Variants in BCL2L1 observed in about 807,000 individuals in gnomAD.
BCL2L1 encodes bcl-2-like protein 1.
A neutral mutation model predicts 18.7 loss-of-function variants in BCL2L1; 1 was observed. The observed-to-expected ratio is 0.05, with a 90% CI of 0.02 to 0.25. The LOEUF (loss-of-function observed/expected upper bound fraction) is 0.25. Ranked by LOEUF, BCL2L1 falls within the 10% of genes least tolerant of loss-of-function variation. The pLI, the probability that BCL2L1 is intolerant of heterozygous loss-of-function variation, is 1.00. For missense variants in BCL2L1, 207 were observed against 304.9 expected (o/e 0.68, Z 2.39); for synonymous variants, 103 against 122.7 (o/e 0.84, Z 1.06).
intron 2 of BCL2L1, among the ~76,000 whole-genome samples, chr20:31,688,679 T>G (rs1430993940): frequency 1.3e-5 from 2 of 152,106 alleles, no homozygotes; most frequent in Non-Finnish European, 2.9e-5. Flanking sequence ...CCCCCCCAGA[T>G]ATACTGTATT....
At chr20:31,719,653 T>G (rs138547990) in intron 2 of BCL2L1, among the ~76,000 whole-genome samples, 3 of 152,300 alleles carry the variant, frequency 2.0e-5, no homozygotes, top group Admixed American at 2.0e-4. Flanking sequence ...AAGATGGAAT[T>G]TCAACCCCAT....
intron 2 of BCL2L1, chr20:31,720,655 A>G (rs1164906700): frequency 4.1e-6 from 4 of 982,126 alleles, no homozygotes; most frequent in Non-Finnish European, 4.8e-6. Context: ...TTTACAATAC[A>G]CTGTAAGGCA....
chr20:31,723,438 C>T, upstream of BCL2L1: 1 of 985,410 alleles, frequency 1.0e-6, no homozygotes, highest in Non-Finnish European at 1.2e-6. Flanking sequence ...CTTTCTGGCG[C>T]CCCCGGGAGG....
chr20:31,720,192 C>T lies in BCL2L1; in HGVS notation c.564+1463G>A, dbSNP rs1241496826. On this transcript the variant is annotated intron_variant, in intron 2 of 2. Coordinates refer to ENST00000307677, the MANE Select transcript of BCL2L1 (RefSeq NM_138578.3). ...TGCCTTTTACAAGAGCTGGCACAGA[C>T]GAGTTGAAATTGCAAAGAAATGCAA... 5 of 978,194 alleles carry T rather than the reference C, an allele frequency of 5.1e-6. No individual in the cohort carries two copies. In the South Asian group the frequency reaches 1.4e-4, roughly 28 times the overall value. The allele number at this position is 978,194 out of a possible 1,614,324, so 60.6% of individuals were successfully genotyped here.
chr20:31,683,769 CAAAAAAAAAAAAAAAAAAAAAAA>C (rs372160646), intron 2 of BCL2L1, among the ~76,000 whole-genome samples: 15 of 80,712 alleles, frequency 1.9e-4, no homozygotes, highest in Non-Finnish European at 2.6e-4. Flanking sequence ...AACTCCATCT[CAAAAAAAAAAAAAAAAAAAAAAA>C]AAAAAAAAAA....
At chr20:31,696,184 G>C (rs1348723153) in intron 2 of BCL2L1, among the ~76,000 whole-genome samples, 2 of 152,210 alleles carry the variant, frequency 1.3e-5, no homozygotes, top group African/African-American at 4.8e-5. Context: ...CTTTAGCTCA[G>C]TCCCTGATAT....
intron 2 of BCL2L1, among the ~76,000 whole-genome samples, chr20:31,678,248 G>A (rs1394570436): frequency 2.0e-5 from 3 of 152,060 alleles, no homozygotes; most frequent in East Asian, 3.8e-4. Context: ...AAGCTATGGC[G>A]ACTCCCTTGT....
At chr20:31,721,522 C>T in intron 2 of BCL2L1, 133 bp downstream of exon 2, 1 of 1,068,440 alleles carries the variant, frequency 9.4e-7, no homozygotes, top group Admixed American at 2.9e-5. Flanking sequence ...GAAATGAGGC[C>T]AGTCAGGTTT....
At chr20:31,723,446 AGGGCTCC>A (rs1322372143), upstream of BCL2L1, 5 of 985,072 alleles carry the variant, frequency 5.1e-6, no homozygotes, top group African/African-American at 8.8e-5. Flanking sequence ...CGCCCCCGGG[AGGGCTCC>A]GGGGCCGGGG....
At chr20:31,710,652 C>G (rs2061440948) in intron 2 of BCL2L1, among the ~76,000 whole-genome samples, 1 of 152,226 alleles carries the variant, frequency 6.6e-6, no homozygotes, top group East Asian at 1.9e-4. Flanking sequence ...ATGGTGGAAG[C>G]TGGCCCATTT....
chr20:31,684,950 C>T (rs1357844893), intron 2 of BCL2L1, among the ~76,000 whole-genome samples: 2 of 152,190 alleles, frequency 1.3e-5, no homozygotes, highest in Admixed American at 1.3e-4. Flanking sequence ...TAGGGCAAGA[C>T]AAGTGATAAG....
intron 2 of BCL2L1, among the ~76,000 whole-genome samples, chr20:31,719,430 T>C (rs2061589014): frequency 6.6e-6 from 1 of 152,096 alleles, no homozygotes; most frequent in Admixed American, 6.6e-5. Flanking sequence ...AACAGGATAA[T>C]ACCTGAGAGG....
intron 2 of BCL2L1, among the ~76,000 whole-genome samples, chr20:31,669,825 A>G (rs1397899309): frequency 1.3e-5 from 2 of 152,164 alleles, no homozygotes; most frequent in African/African-American, 4.8e-5. Context: ...CTGTAAATAC[A>G]TGAGAATACA....
intron 2 of BCL2L1, chr20:31,720,067 G>A: frequency 1.0e-6 from 1 of 983,200 alleles, no homozygotes; most frequent in Non-Finnish European, 1.2e-6. Context: ...TTCATTTACA[G>A]AATGGCTTTC....
At chr20:31,681,969 T>G (rs1461390971) in intron 2 of BCL2L1, among the ~76,000 whole-genome samples, 1 of 152,238 alleles carries the variant, frequency 6.6e-6, no homozygotes, top group Non-Finnish European at 1.5e-5. Context: ...CTGTGGCTAT[T>G]CCACTTTCAG....
chr20:31,721,019 G>C, intron 2 of BCL2L1: 1 of 972,966 alleles, frequency 1.0e-6, no homozygotes, highest in Non-Finnish European at 1.2e-6. Flanking sequence ...TGGGGGAAAT[G>C]AACTTAGGGG....
intron 2 of BCL2L1, among the ~76,000 whole-genome samples, chr20:31,691,573 C>G (rs2061076562): frequency 6.9e-6 from 1 of 144,396 alleles, no homozygotes; most frequent in South Asian, 2.1e-4. Context: ...AATAAACAGG[C>G]TGGGTGTGGT....
At chr20:31,720,343 T>C (rs987601211) in intron 2 of BCL2L1, among the ~76,000 whole-genome samples, 3 of 152,230 alleles carry the variant, frequency 2.0e-5, no homozygotes, top group Non-Finnish European at 4.4e-5. Flanking sequence ...CCTGAGTCCA[T>C]GGTGCATGTC....
intron 2 of BCL2L1, among the ~76,000 whole-genome samples, chr20:31,706,609 A>G (rs530423800): frequency 6.6e-6 from 1 of 152,366 alleles, no homozygotes; most frequent in Non-Finnish European, 1.5e-5. Context: ...CTCTGAAATG[A>G]GTATTACTTC....
Sources: allele counts gnomAD v4.1 joint callset (sites outside exome capture counted in the v4.1 genomes callset), GRCh38; gene constraint gnomAD v4.1.1; transcripts MANE v1.5; gene names NCBI Gene and HGNC (gene_info 2026-07-23, HGNC 2026-07-21).